The following DCC variants were observed in gnomAD, a reference collection of about 807,000 sequenced individuals.
DCC encodes DCC netrin 1 receptor, also known as netrin receptor DCC.
A neutral mutation model predicts 172.5 loss-of-function variants in DCC; 58 were observed. The observed-to-expected ratio is 0.34, with a 90% CI of 0.27 to 0.42. The LOEUF (loss-of-function observed/expected upper bound fraction) is 0.42. Ranked by LOEUF, DCC falls within the 10% of genes least tolerant of loss-of-function variation. The pLI is 1.00. For missense variants in DCC, 1,740 were observed against 1,791.0 expected (o/e 0.97, Z 0.51); for synonymous variants, 709 against 644.5 (o/e 1.10, Z -1.52).
At chr18:53,022,539 A>ATGTGTGTGTGTG (rs147745217) in intron 5 of DCC, among the ~76,000 whole-genome samples, 1 of 117,612 alleles carries the variant, frequency 8.5e-6, no homozygotes, top group African/African-American at 2.7e-5. Context: ...TTATATATAT[A>ATGTGTGTGTGTG]TGTGCGTGTG....
intron 5 of DCC, among the ~76,000 whole-genome samples, chr18:53,006,686 C>G (rs1227405067): frequency 1.3e-5 from 2 of 152,180 alleles, no homozygotes; most frequent in Admixed American, 6.5e-5. Context: ...GTTGGTCATT[C>G]ATACAAGCTA....
intron 5 of DCC, among the ~76,000 whole-genome samples, chr18:52,998,696 C>T (rs2041520345): frequency 6.6e-6 from 1 of 152,026 alleles, no homozygotes; most frequent in Non-Finnish European, 1.5e-5. Context: ...ACGTCAGCCC[C>T]TGACTGTCAA....
Position 52,942,610 on chromosome 18 carries a change from AAG to A in DCC, c.985+17246_985+17247del, listed in dbSNP as rs1234111419. ...TCTTACATGGCAGTGGCAAAAGAGAAAGAGAGATGCAAAAGCACAAACCCCTG... is the reference window on the plus strand; with the variant it reads ...TCTTACATGGCAGTGGCAAAAGAGAAAGAGATGCAAAAGCACAAACCCCTG... On this transcript the variant is annotated intron_variant, in intron 5 of 28. Coordinates refer to ENST00000442544, the MANE Select transcript of DCC (RefSeq NM_005215.4). Among the ~76,000 whole-genome samples, 8 of 152,306 alleles carry A rather than the reference AAG, an allele frequency of 5.3e-5. No individual in the cohort carries two copies. In the South Asian group the frequency reaches 1.7e-3, roughly 32 times the overall value.
At chr18:53,133,946 T>A (rs534260036) in intron 7 of DCC, among the ~76,000 whole-genome samples, 1 of 152,264 alleles carries the variant, frequency 6.6e-6, no homozygotes, top group South Asian at 2.1e-4. Flanking sequence ...GAAAAATAGT[T>A]GAGAGGAGAG....
At chr18:53,332,924 G>C (rs1003760639) in intron 14 of DCC, among the ~76,000 whole-genome samples, 12 of 152,120 alleles carry the variant, frequency 7.9e-5, no homozygotes, top group African/African-American at 2.9e-4. Context: ...TTAAAAATTA[G>C]CCAAGTGTGG....
intron 3 of DCC, among the ~76,000 whole-genome samples, chr18:52,907,947 A>G (rs2039914586): frequency 6.6e-6 from 1 of 152,148 alleles, no homozygotes; most frequent in Non-Finnish European, 1.5e-5. Flanking sequence ...GGAAATCCCT[A>G]AGACACTGGC....
intron 15 of DCC, among the ~76,000 whole-genome samples, chr18:53,357,187 A>G (rs2057887292): frequency 6.6e-6 from 1 of 152,140 alleles, no homozygotes; most frequent in Non-Finnish European, 1.5e-5. Context: ...AAAATGCCAA[A>G]CTGCATTATA....
chr18:52,839,154 AG>A (rs2038762628), intron 2 of DCC, among the ~76,000 whole-genome samples: 1 of 152,236 alleles, frequency 6.6e-6, no homozygotes, highest in Non-Finnish European at 1.5e-5. Flanking sequence ...TTTACTTAGT[AG>A]GAGAAATTAT....
rs1402860503 is a variant in DCC, at chr18:52,411,399, A to G, written c.91+70521A>G. On this transcript the variant is annotated intron_variant, in intron 1 of 28. Coordinates refer to ENST00000442544, the MANE Select transcript of DCC (RefSeq NM_005215.4). ...CAGGCTGTTGGACCCTGCATGGAAA[A>G]CTAAAGCAAGCTATGCCGAAACTGT... Among the ~76,000 whole-genome samples the G allele has an allele frequency of 2.0e-5, 3 of 152,252 alleles. No individual in the cohort carries two copies. In the East Asian group the frequency reaches 5.8e-4, roughly 29 times the overall value.
chr18:52,445,298 C>A (rs964826397), intron 1 of DCC, among the ~76,000 whole-genome samples: 1 of 152,056 alleles, frequency 6.6e-6, no homozygotes, highest in African/African-American at 2.4e-5. Context: ...TTACCACAGC[C>A]TCTGATTTAA....
At chr18:52,916,467 G>T (rs778300574) in intron 3 of DCC, among the ~76,000 whole-genome samples, 5 of 152,194 alleles carry the variant, frequency 3.3e-5, no homozygotes, top group Non-Finnish European at 7.3e-5. Context: ...GATTGGTGGT[G>T]AGAGTAGCAA....
At chr18:53,495,220 C>G (rs1296301673) in intron 26 of DCC, among the ~76,000 whole-genome samples, 2 of 151,900 alleles carry the variant, frequency 1.3e-5, no homozygotes, top group African/African-American at 4.8e-5. Flanking sequence ...GGTGAAACCC[C>G]ATTTCTACTA....
intron 2 of DCC, among the ~76,000 whole-genome samples, chr18:52,902,937 T>TCTGG (rs1419459748): frequency 6.6e-6 from 1 of 152,202 alleles, no homozygotes; most frequent in Non-Finnish European, 1.5e-5. Flanking sequence ...AGGATGCAGT[T>TCTGG]CTGGCCCTGG....
intron 1 of DCC, among the ~76,000 whole-genome samples, chr18:52,624,225 T>A (rs2034531321): frequency 6.6e-6 from 1 of 152,226 alleles, no homozygotes; most frequent in Non-Finnish European, 1.5e-5. Flanking sequence ...TTGCATCCTA[T>A]AATTAAAATT....
chr18:52,777,357 A>T (rs186089478), intron 2 of DCC, among the ~76,000 whole-genome samples: 14 of 152,180 alleles, frequency 9.2e-5, no homozygotes, highest in Admixed American at 9.2e-4. Context: ...TGTTGGCCCC[A>T]TAAGTTATTT....
intron 7 of DCC, among the ~76,000 whole-genome samples, chr18:53,106,820 T>C (rs2043255429): frequency 6.6e-6 from 1 of 151,948 alleles, no homozygotes; most frequent in African/African-American, 2.4e-5. Context: ...CTTGTTTCAA[T>C]ATAAGGTAAC....
At chr18:53,093,883 C>T (rs1287730277) in intron 7 of DCC, among the ~76,000 whole-genome samples, 1 of 152,154 alleles carries the variant, frequency 6.6e-6, no homozygotes, top group African/African-American at 2.4e-5. Flanking sequence ...TTCCCATCAT[C>T]CCCTCGCCAG....
At chr18:52,603,625 C>G (rs374849193) in intron 1 of DCC, among the ~76,000 whole-genome samples, 1 of 147,300 alleles carries the variant, frequency 6.8e-6, no homozygotes, top group African/African-American at 2.5e-5. Flanking sequence ...CACACACACA[C>G]AGTTTATTCT....
Position 53,179,096 on chromosome 18 carries a change from A to G in DCC, c.1553A>G (p.Lys518Arg). 1.2e-6 allele frequency: 2 copies of G among 1,613,932 alleles called. No individual in the cohort carries two copies. The highest frequency in any genetic ancestry group is 1.1e-5 in the South Asian group (1 of 91,074). The part of the protein sequence containing the change: ...WGPGESSQPI[K>R]VATQPELQVP... ...CCGGGAGAGAGTTCTCAACCCATCA[A>G]GGTGGCCACACAGCCTGAGTGTGAG... Residue 518 changes from lysine to arginine, a missense_variant, in exon 9 of 29, where the codon AAG (lysine) becomes AGG (arginine). Around this residue, in one of 2 missense-constraint regions of DCC, gnomAD observed 1,732 missense variants for 1,767.4 expected, o/e 0.98. Coordinates refer to ENST00000442544, the MANE Select transcript of DCC (RefSeq NM_005215.4).
Sources: allele counts gnomAD v4.1 joint callset (sites outside exome capture counted in the v4.1 genomes callset), GRCh38; gene constraint gnomAD v4.1.1; regional missense constraint gnomAD v4.1.1; transcripts MANE v1.5; gene names NCBI Gene and HGNC (gene_info 2026-07-23, HGNC 2026-07-21).